Variants in THADA observed in about 807,000 individuals in gnomAD.
THADA encodes the protein THADA armadillo repeat containing, also known as tRNA (32-2'-O)-methyltransferase regulator THADA.
A neutral mutation model predicts 219.8 loss-of-function variants in THADA; 213 were observed. The ratio of observed to expected loss-of-function variants is 0.97; its 90% CI spans 0.87 to 1.09. The LOEUF (loss-of-function observed/expected upper bound fraction) is 1.09. Among genes scored for constraint, THADA ranks in the 50% least tolerant of loss-of-function variants. The pLI is 0.00. For synonymous variants in THADA, 1,018 were observed against 828.9 expected (o/e 1.23, Z -3.92); for missense variants, 2,956 against 2,311.3 (o/e 1.28, Z -5.72).
chr2:43,310,219 C>CTT (rs1367696178), intron 31 of THADA, among the ~76,000 whole-genome samples: 11,720 of 86,946 alleles, frequency 0.13, 879 homozygotes, highest in African/African-American at 0.2. Context: ...CCCTCCCTCC[C>CTT]TTTCCCGCCC....
intron 26 of THADA, among the ~76,000 whole-genome samples, chr2:43,451,254 C>T (rs1573714948): frequency 2.6e-5 from 4 of 152,168 alleles, no homozygotes; most frequent in South Asian, 4.1e-4. Context: ...ACTGCCACCA[C>T]GAGCTCCAGA....
intron 36 of THADA, among the ~76,000 whole-genome samples, chr2:43,261,563 C>G (rs939174270): frequency 2.0e-5 from 3 of 151,576 alleles, no homozygotes; most frequent in Admixed American, 1.3e-4. Context: ...CTGGTTCAAG[C>G]AATTCTCCTG....
chr2:43,464,499 C>T (rs988507303), intron 26 of THADA, among the ~76,000 whole-genome samples: 1 of 152,056 alleles, frequency 6.6e-6, no homozygotes, highest in Non-Finnish European at 1.5e-5. Flanking sequence ...TATCCTTGGG[C>T]CTGGGTTTTT....
intron 24 of THADA, among the ~76,000 whole-genome samples, chr2:43,501,940 T>C (rs1489178667): frequency 1.3e-5 from 2 of 152,006 alleles, no homozygotes; most frequent in African/African-American, 2.4e-5. Context: ...AGAGACTCCA[T>C]CTCAAAAAAG....
At chr2:43,465,417 G>C (rs191033480) in intron 26 of THADA, among the ~76,000 whole-genome samples, 1 of 152,254 alleles carries the variant, frequency 6.6e-6, no homozygotes, top group East Asian at 1.9e-4. Flanking sequence ...GTCTCACACA[G>C]CTCTCCTTAG....
intron 31 of THADA, among the ~76,000 whole-genome samples, chr2:43,295,001 G>A (rs1438489218): frequency 1.3e-5 from 2 of 152,222 alleles, no homozygotes; most frequent in Non-Finnish European, 2.9e-5. Flanking sequence ...GCTCATGCCT[G>A]TAATCCCAAC....
chr2:43,473,334 A>G (rs1382561450), intron 26 of THADA, among the ~76,000 whole-genome samples: 1 of 152,154 alleles, frequency 6.6e-6, no homozygotes, highest in Non-Finnish European at 1.5e-5. Context: ...CTAGGCCTAC[A>G]CAAGGTCAAG....
intron 24 of THADA, 33 bp downstream of exon 24, chr2:43,505,589 A>T: frequency 6.9e-7 from 1 of 1,452,540 alleles, no homozygotes; most frequent in Non-Finnish European, 9.4e-7. Context: ...AACAAAAAAC[A>T]ACACTGGAGG....
chr2:43,270,267 G>C (rs1239498635), intron 36 of THADA, among the ~76,000 whole-genome samples: 1 of 152,126 alleles, frequency 6.6e-6, no homozygotes, highest in Non-Finnish European at 1.5e-5. Flanking sequence ...GTAAGTCAGA[G>C]GCTCTAAAAC....
chr2:43,530,404 T>C (rs1471178936), intron 21 of THADA, among the ~76,000 whole-genome samples: 1 of 152,088 alleles, frequency 6.6e-6, no homozygotes, highest in African/African-American at 2.4e-5. Flanking sequence ...AGCCCGATAA[T>C]CCTATAAAAT....
At chr2:43,467,632 T>C (rs899290445) in intron 26 of THADA, among the ~76,000 whole-genome samples, 1 of 152,232 alleles carries the variant, frequency 6.6e-6, no homozygotes, top group African/African-American at 2.4e-5. Flanking sequence ...CTCCTGAAAG[T>C]TGAGAAAATT....
At chr2:43,391,150 ACT>A (rs1193212256) in intron 29 of THADA, among the ~76,000 whole-genome samples, 5 of 152,122 alleles carry the variant, frequency 3.3e-5, no homozygotes, top group Non-Finnish European at 7.4e-5. Context: ...GGTACATCAC[ACT>A]CACACACATA....
Position 43,560,369 on chromosome 2 carries a change from T to C in THADA, c.2328A>G (p.Val776=), listed in dbSNP as rs540308657. The C allele has an allele frequency of 9.4e-6, 15 of 1,592,340 alleles. No homozygotes were observed. The highest frequency in any genetic ancestry group is 1.2e-5 in the South Asian group (1 of 86,370). Residue 776 remains valine, a synonymous_variant, in exon 16 of 38, where the codon GTA becomes GTG. Coordinates refer to ENST00000405975, the MANE Select transcript of THADA (RefSeq NM_022065.5). ...CATCAATATCATGACTCAGCTGATATACTGTATAAATTCTGCCTAAAAATA... is the reference window on the plus strand; with the variant it reads ...CATCAATATCATGACTCAGCTGATACACTGTATAAATTCTGCCTAAAAATA... ...FHVPEGRIYT[V]YQLSHDIDVG... is the part of the protein sequence containing the mutation.
chr2:43,527,847 T>C, intron 22 of THADA, 32 bp downstream of exon 22: 1 of 1,492,842 alleles, frequency 6.7e-7, no homozygotes, highest in Non-Finnish European at 9.3e-7. Context: ...TTTAGTCTTT[T>C]TAAAACGTAC....
At chr2:43,560,910 G>T (rs1047640421) in intron 15 of THADA, among the ~76,000 whole-genome samples, 15 of 151,984 alleles carry the variant, frequency 9.9e-5, no homozygotes, top group African/African-American at 3.6e-4. Context: ...CCAGCTACTT[G>T]GGAGGCTGAG....
At chr2:43,578,054 T>G (rs999535140) in intron 9 of THADA, among the ~76,000 whole-genome samples, 13 of 152,098 alleles carry the variant, frequency 8.5e-5, no homozygotes, top group African/African-American at 3.1e-4. Flanking sequence ...TTATCTGAAT[T>G]TTTGGAATTG....
At chr2:43,445,978 C>A (rs867130049) in intron 26 of THADA, among the ~76,000 whole-genome samples, 3 of 152,184 alleles carry the variant, frequency 2.0e-5, no homozygotes, top group Non-Finnish European at 4.4e-5. Context: ...AGCCCTGCCA[C>A]GCCCCCTGTG....
chr2:43,388,953 G>A lies in THADA; in HGVS notation c.4227+9018C>T, dbSNP rs542135045. On this transcript the variant is annotated intron_variant, in intron 29 of 37. Coordinates refer to ENST00000405975, the MANE Select transcript of THADA (RefSeq NM_022065.5). Reference sequence around the variant, plus strand: ...ATCATAACCCCCTCACCCCCCGCCCGTAGCAGTGGTGGTGGCAGTAGCAGC... The same window carrying A: ...ATCATAACCCCCTCACCCCCCGCCCATAGCAGTGGTGGTGGCAGTAGCAGC... Among the ~76,000 whole-genome samples, 108 of 152,184 alleles carry A rather than the reference G, an allele frequency of 7.1e-4. No individual in the cohort carries two copies. In the South Asian group the frequency reaches 1.0e-2, roughly 14 times the overall value.
At chr2:43,457,515 G>A (rs192320042) in intron 26 of THADA, among the ~76,000 whole-genome samples, 218 of 152,212 alleles carry the variant, frequency 1.4e-3, no homozygotes, top group African/African-American at 5.0e-3. Flanking sequence ...GAAACAAGGA[G>A]CCTAGAAAAA....
Sources: gnomAD v4.1 joint callset for allele counts (sites outside exome capture counted in the v4.1 genomes callset) on GRCh38, gnomAD v4.1.1 for gene constraint, MANE v1.5 for transcripts, NCBI Gene and HGNC (gene_info 2026-07-23, HGNC 2026-07-21) for gene names.